The following PPP4R1 variants were observed in gnomAD, a reference collection of about 807,000 sequenced individuals.
PPP4R1 encodes the protein protein phosphatase 4 regulatory subunit 1.
In PPP4R1, 42 loss-of-function variants were observed where a neutral mutation model predicts 111.2. That is an observed-to-expected ratio of 0.38 (90% CI 0.29 to 0.49). The LOEUF is 0.49. Ranked by LOEUF, PPP4R1 falls within the 20% of genes least tolerant of loss-of-function variation. The probability of loss-of-function intolerance (pLI) is 0.97; values close to 1 mark genes in which losing one functional copy is unlikely to be tolerated. For synonymous variants in PPP4R1, 409 were observed against 405.5 expected (o/e 1.01, Z -0.10); for missense variants, 1,012 against 1,161.6 (o/e 0.87, Z 1.87).
chr18:9,591,878 C>T (rs62088869), intron 4 of PPP4R1, among the ~76,000 whole-genome samples: 8,446 of 152,218 alleles, frequency 0.055, 302 homozygotes, highest in Middle Eastern at 0.092. Context: ...ACCAGCCTGG[C>T]CAACATGGTG....
At chr18:9,592,159 C>T (rs989194991) in intron 4 of PPP4R1, among the ~76,000 whole-genome samples, 2 of 152,202 alleles carry the variant, frequency 1.3e-5, no homozygotes, top group African/African-American at 2.4e-5. Flanking sequence ...CATACTGCTA[C>T]ACTACACTGT....
intron 19 of PPP4R1, among the ~76,000 whole-genome samples, chr18:9,548,591 G>A (rs535973418): frequency 1.5e-4 from 23 of 152,288 alleles, no homozygotes; most frequent in African/African-American, 5.1e-4. Context: ...CCAGGCAATG[G>A]TTTGTACATA....
In PPP4R1 at chr18:9,547,657, G is replaced by C. The variant is rs2144944234; in HGVS notation, c.*132C>G. On this transcript the variant is annotated 3_prime_UTR_variant, in exon 20 of 20. Transcript: ENST00000400556. ...CCCTGGTATTGGGTGTAGGCAACTT[G>C]CACCTGCAATGAAGTCCGCAGGAGA... The C allele has an allele frequency of 2.8e-6, 3 of 1,077,298 alleles. No individual in the cohort carries two copies. Among genetic ancestry groups the C allele is most frequent in the Non-Finnish European group, 1.4e-6 (1 of 739,042 alleles). The allele number at this position is 1,077,298 out of a possible 1,614,324, so 66.7% of individuals were successfully genotyped here. A position where few individuals can be genotyped will look rare whatever the true frequency, so the allele number is the denominator to read the frequency against.
intron 2 of PPP4R1, 117 bp from the exon 3 acceptor site, chr18:9,595,270 ACT>A: frequency 9.2e-7 from 1 of 1,091,506 alleles, no homozygotes; most frequent in Non-Finnish European, 1.3e-6. Flanking sequence ...ATCACAAGAG[ACT>A]CTCAGAATCA....
chr18:9,566,493 C>CA (rs969875757), intron 11 of PPP4R1, among the ~76,000 whole-genome samples: 29 of 151,562 alleles, frequency 1.9e-4, no homozygotes, highest in Admixed American at 3.9e-4. Context: ...AACAAACAAA[C>CA]AAAAAAAACT....
chr18:9,598,464 A>T (rs2067326369), intron 2 of PPP4R1, among the ~76,000 whole-genome samples: 1 of 152,208 alleles, frequency 6.6e-6, no homozygotes, highest in African/African-American at 2.4e-5. Flanking sequence ...AAAGAATGAT[A>T]GGAGACTTTT....
chr18:9,584,127 G>A (rs1005224884), intron 8 of PPP4R1, among the ~76,000 whole-genome samples: 5 of 152,088 alleles, frequency 3.3e-5, no homozygotes, highest in African/African-American at 4.8e-5. Flanking sequence ...AAACTCTTTA[G>A]ATATGGTGAC....
intron 11 of PPP4R1, among the ~76,000 whole-genome samples, chr18:9,567,677 T>C (rs1271802973): frequency 6.6e-6 from 1 of 152,320 alleles, no homozygotes; most frequent in Non-Finnish European, 1.5e-5. Flanking sequence ...GTGGTGGTGT[T>C]TGAGAAGACT....
In PPP4R1 at chr18:9,549,140, C is replaced by A. The variant is rs1439422794; in HGVS notation, c.2689+57G>T. On this transcript the variant is annotated intron_variant, in intron 19 of 19. Transcript: ENST00000400556. ...TGCTTTGATATCTGCTGATCCAGTG[C>A]AGTCCACAGACCTCCTTCTCTACTC... 3.8e-6 allele frequency: 6 copies of A among 1,569,226 alleles called. No individual in the cohort carries two copies. The African/African-American group carries it at 6.8e-5, about 18-fold the overall frequency.
chr18:9,603,623 A>G (rs1247805624), intron 2 of PPP4R1, among the ~76,000 whole-genome samples: 2 of 151,898 alleles, frequency 1.3e-5, no homozygotes, highest in African/African-American at 2.4e-5. Flanking sequence ...TGGGACTACA[A>G]GTGCATGTGC....
upstream of PPP4R1, chr18:9,615,193 C>T (rs956413783): frequency 6.6e-6 from 1 of 152,280 alleles, no homozygotes; most frequent in Non-Finnish European, 1.5e-5. Context: ...CCTGCCTAGC[C>T]AGCTTCCTCG....
intron 2 of PPP4R1, among the ~76,000 whole-genome samples, chr18:9,609,954 T>C (rs771400705): frequency 6.6e-6 from 1 of 152,242 alleles, no homozygotes; most frequent in African/African-American, 2.4e-5. Context: ...AGTATTAGAA[T>C]ACCACAGCCT....
chr18:9,606,043 T>C (rs1463322383), intron 2 of PPP4R1, among the ~76,000 whole-genome samples: 1 of 152,244 alleles, frequency 6.6e-6, no homozygotes, highest in East Asian at 1.9e-4. Context: ...AGCTTTTGTA[T>C]AGGTCTGAAA....
chr18:9,555,297 G>A (rs1315926650), intron 15 of PPP4R1, among the ~76,000 whole-genome samples: 4 of 151,924 alleles, frequency 2.6e-5, no homozygotes, highest in Non-Finnish European at 4.4e-5. Context: ...GTGAGACCCT[G>A]TCTCAAAATA....
chr18:9,550,676 T>A (rs2066475043), intron 16 of PPP4R1: 1 of 351,744 alleles, frequency 2.8e-6, no homozygotes, highest in East Asian at 6.6e-5. Flanking sequence ...AAGCACTTCC[T>A]AGTATGTTCA....
At chr18:9,580,410 C>T (rs974670514) in intron 9 of PPP4R1, among the ~76,000 whole-genome samples, 4 of 150,682 alleles carry the variant, frequency 2.7e-5, no homozygotes, top group East Asian at 1.9e-4. Flanking sequence ...AGTGCAATGG[C>T]GCGATCTCGG....
rs2066421190 is a variant in PPP4R1 at position 9,547,697 on chromosome 18, C to A, written c.*92G>T. ...TCCGCAGGAGAGGAAGGTCTCTCCT[C>A]CCCCGAAAGCTATCCCAGGTCACAT... On this transcript the variant is annotated 3_prime_UTR_variant, in exon 20 of 20. Transcript: ENST00000400556. 6.8e-7 allele frequency: 1 copy of A among 1,471,220 alleles called. No homozygotes were observed. Among genetic ancestry groups the A allele is most frequent in the South Asian group, 1.2e-5 (1 of 81,442 alleles). 91.1% of individuals were successfully genotyped at this position (1,471,220 alleles called of 1,614,324 possible). A position where few individuals can be genotyped will look rare whatever the true frequency, so the allele number is the denominator to read the frequency against.
rs367907280 is a variant in PPP4R1, at chr18:9,595,068, C to T, written c.138G>A (p.Thr46=). 1.1e-4 allele frequency: 171 copies of T among 1,613,912 alleles called. 2 individuals are homozygous for T. The East Asian group carries it at 2.4e-3, about 23-fold the overall frequency. ...CATACTTGTCCAATCTCCCCAGGGGCGTCAACATTTCATCTTGTGAGACAA... is the reference window on the plus strand; with the variant it reads ...CATACTTGTCCAATCTCCCCAGGGGTGTCAACATTTCATCTTGTGAGACAA... The part of the protein sequence containing the change: ...LDFVSQDEML[T]PLGRLDKYAA... The change falls in exon 3 of 20, where the codon ACG becomes ACA. Residue 46 remains threonine (T), a synonymous_variant. Transcript: ENST00000400556.
intron 11 of PPP4R1, among the ~76,000 whole-genome samples, chr18:9,569,143 G>A (rs577967094): frequency 4.8e-4 from 70 of 146,950 alleles, no homozygotes; most frequent in African/African-American, 1.6e-3. Flanking sequence ...AGCCAAGATC[G>A]AGCACCACTG....
Sources: gnomAD v4.1 joint callset for allele counts (sites outside exome capture counted in the v4.1 genomes callset) on GRCh38, gnomAD v4.1.1 for gene constraint, MANE v1.5 for transcripts, NCBI Gene and HGNC (gene_info 2026-07-23, HGNC 2026-07-21) for gene names.